Variants in GLIS3 observed in about 807,000 individuals in gnomAD.
GLIS3 encodes zinc finger protein GLIS3.
In GLIS3, 53 loss-of-function variants were observed where a neutral mutation model predicts 78.6. That is an observed-to-expected ratio of 0.67 (90% CI 0.54 to 0.85). GLIS3 has a LOEUF of 0.85. GLIS3 is among the 40% of genes least tolerant of loss of function. GLIS3 has a pLI of 0.00. For synonymous variants in GLIS3, 684 were observed against 509.9 expected, an observed-to-expected ratio of 1.34 and a Z score of -4.60; for missense variants, 1,703 against 1,231.1, an observed-to-expected ratio of 1.38 and a Z score of -5.74.
At chr9:4,044,000 C>G (rs1825043911) in intron 4 of GLIS3, among the ~76,000 whole-genome samples, 1 of 152,266 alleles carries the variant, frequency 6.6e-6, no homozygotes. Flanking sequence ...TATGATGGGC[C>G]TTGTCAAGAG....
chr9:4,440,006 T>C, the GLIS3 span, among the ~76,000 whole-genome samples: 1 of 152,216 alleles, frequency 6.6e-6, no homozygotes, highest in Non-Finnish European at 1.5e-5. Context: ...TTGAGAAGTG[T>C]CTATTCAAGT....
At chr9:4,117,478 A>G (rs141345624) in intron 4 of GLIS3, among the ~76,000 whole-genome samples, 9 of 152,302 alleles carry the variant, frequency 5.9e-5, no homozygotes, top group African/African-American at 2.2e-4. Flanking sequence ...CATTAAGGAA[A>G]TTCAAAGTTG....
chr9:4,237,120 GATTT>G (rs1372864224), intron 2 of GLIS3, among the ~76,000 whole-genome samples: 2 of 93,184 alleles, frequency 2.1e-5, no homozygotes, highest in Non-Finnish European at 6.0e-5. Context: ...TTCCTTCACT[GATTT>G]ATTTCAAAAA....
chr9:4,063,356 G>C (rs1826816455), intron 4 of GLIS3, among the ~76,000 whole-genome samples: 1 of 152,054 alleles, frequency 6.6e-6, no homozygotes. Context: ...TGATATGCTT[G>C]GCCTGTCAGT....
At chr9:4,038,953 C>A (rs955555778) in intron 4 of GLIS3, among the ~76,000 whole-genome samples, 2 of 152,172 alleles carry the variant, frequency 1.3e-5, no homozygotes, top group Non-Finnish European at 2.9e-5. Flanking sequence ...GAACTAACTG[C>A]CCTCCCCATG....
chr9:4,178,610 A>G (rs1479493188), intron 2 of GLIS3, among the ~76,000 whole-genome samples: 1 of 152,206 alleles, frequency 6.6e-6, no homozygotes, highest in Non-Finnish European at 1.5e-5. Flanking sequence ...CGCAAGTGCA[A>G]ATATAACCCC....
At chr9:4,309,215 A>G (rs1817301070) in intron 3 of GLIS3, among the ~76,000 whole-genome samples, 1 of 152,242 alleles carries the variant, frequency 6.6e-6, no homozygotes, top group South Asian at 2.1e-4. Flanking sequence ...CATTCCCTCC[A>G]GCCAAAGCCA....
At chr9:4,165,093 T>G (rs1487672740) in intron 2 of GLIS3, among the ~76,000 whole-genome samples, 2 of 152,156 alleles carry the variant, frequency 1.3e-5, no homozygotes, top group Admixed American at 6.5e-5. Context: ...GGTCCACAGA[T>G]GCAGGAGAAC....
At chr9:3,940,759 G>A (rs476155) in intron 4 of GLIS3, among the ~76,000 whole-genome samples, 4 of 152,142 alleles carry the variant, frequency 2.6e-5, no homozygotes, top group Admixed American at 6.5e-5. Context: ...GAAAAGGGGC[G>A]TGGTGTGCAA....
intron 2 of GLIS3, among the ~76,000 whole-genome samples, chr9:4,345,234 G>C (rs1045767786): frequency 6.6e-6 from 1 of 152,046 alleles, no homozygotes. Context: ...CCTTCATTCT[G>C]CTCTTCTCAG....
the GLIS3 span, among the ~76,000 whole-genome samples, chr9:4,465,590 G>A: frequency 6.6e-6 from 1 of 152,270 alleles, no homozygotes; most frequent in African/African-American, 2.4e-5. Context: ...AATAATTCTT[G>A]TAACTGGATT....
intron 4 of GLIS3, among the ~76,000 whole-genome samples, chr9:3,953,819 A>G (rs971848316): frequency 7.1e-6 from 1 of 140,632 alleles, no homozygotes; most frequent in African/African-American, 2.6e-5. Flanking sequence ...ATATATATAT[A>G]TATCTTCTCC....
intron 4 of GLIS3, among the ~76,000 whole-genome samples, chr9:4,045,873 C>A (rs1442615360): frequency 1.3e-5 from 2 of 152,132 alleles, no homozygotes; most frequent in African/African-American, 2.4e-5. Flanking sequence ...GGAGGACTGG[C>A]AAATGTCATT....
At position 4,081,286 on chromosome 9, in the gene GLIS3, T is replaced by C. The variant is rs1474916307; in HGVS notation, c.1710+36482A>G. The C allele has an allele frequency of 2.0e-5, 3 of 152,284 alleles. No homozygotes were observed. The East Asian group carries it at 5.8e-4, about 29-fold the overall frequency. The allele number at this position is 152,284 out of a possible 1,614,324, so 9.4% of individuals were successfully genotyped here. On this transcript the variant is annotated intron_variant, in intron 4 of 10. Coordinates refer to ENST00000381971, the MANE Select transcript of GLIS3 (RefSeq NM_001042413.2). ...CTCCTAGCCAGGCCTCTGCAGTCCT[T>C]TGTCCTCACCACATTAACCCTTTTT...
chr9:4,395,626 C>G, the GLIS3 span, among the ~76,000 whole-genome samples: 42 of 152,268 alleles, frequency 2.8e-4, no homozygotes, highest in Admixed American at 1.9e-3. Context: ...GTTGAGGCAA[C>G]CAAAATATCT....
chr9:4,018,948 G>A (rs1435758529), intron 4 of GLIS3, among the ~76,000 whole-genome samples: 1 of 152,186 alleles, frequency 6.6e-6, no homozygotes, highest in African/African-American at 2.4e-5. Flanking sequence ...ATTTTACTCT[G>A]TGTGCCCCCT....
At chr9:4,406,041 A>C in the GLIS3 span, among the ~76,000 whole-genome samples, 1 of 152,236 alleles carries the variant, frequency 6.6e-6, no homozygotes. Flanking sequence ...ACCCTCAAAG[A>C]ACTGGGTATA....
At chr9:4,205,135 C>A (rs1452728135) in intron 2 of GLIS3, among the ~76,000 whole-genome samples, 1 of 148,764 alleles carries the variant, frequency 6.7e-6, no homozygotes, top group Non-Finnish European at 1.5e-5. Flanking sequence ...GAGATCACCC[C>A]ACTGCACTCC....
chr9:4,058,662 T>A (rs1461399663), intron 4 of GLIS3, among the ~76,000 whole-genome samples: 1 of 152,194 alleles, frequency 6.6e-6, no homozygotes, highest in Non-Finnish European at 1.5e-5. Context: ...TTATGTCTTA[T>A]AACTGACTTT....
Sources: gnomAD v4.1 joint callset for allele counts (sites outside exome capture counted in the v4.1 genomes callset) on GRCh38, gnomAD v4.1.1 for gene constraint, MANE v1.5 for transcripts, NCBI Gene and HGNC (gene_info 2026-07-23, HGNC 2026-07-21) for gene names.